The following IL1RAPL1 variants were observed in gnomAD, a reference collection of about 807,000 sequenced individuals.
IL1RAPL1 encodes interleukin 1 receptor accessory protein like 1.
Under a neutral mutation model 48.4 loss-of-function variants are expected in IL1RAPL1, and 3 were observed. The observed-to-expected ratio is 0.06, with a 90% CI of 0.03 to 0.16. The LOEUF is 0.16. IL1RAPL1 is among the 10% of genes least tolerant of loss of function. IL1RAPL1 has a pLI of 1.00. For synonymous variants in IL1RAPL1, 185 were observed against 187.7 expected (o/e 0.99, Z 0.12); for missense variants, 349 against 530.6 (o/e 0.66, Z 3.36).
intron 2 of IL1RAPL1, among the ~76,000 whole-genome samples, chrX:28,962,205 C>A (rs1260489393): frequency 1.8e-5 from 2 of 111,921 alleles, no homozygotes; most frequent in African/African-American, 6.5e-5. Context: ...TAATCTGGTT[C>A]TCTATTGGAA....
At chrX:29,398,141 TC>T (rs1327105655) in intron 4 of IL1RAPL1, among the ~76,000 whole-genome samples, 1 of 112,270 alleles carries the variant, frequency 8.9e-6, no homozygotes, top group African/African-American at 3.2e-5. Flanking sequence ...AAATAATCAA[TC>T]TGGCTAAATG....
chrX:29,948,082 A>C (rs927045762), intron 9 of IL1RAPL1, among the ~76,000 whole-genome samples: 2 of 111,289 alleles, frequency 1.8e-5, no homozygotes, highest in Non-Finnish European at 3.8e-5. Flanking sequence ...GCATTTTGCT[A>C]TATGATGGGG....
Position 28,728,733 on chromosome X carries a change from C to T in IL1RAPL1, c.-24-60587C>T, listed in dbSNP as rs368202695. Among the ~76,000 whole-genome samples, 27 of 111,407 alleles carry T rather than the reference C, an allele frequency of 2.4e-4. No homozygotes were observed. In the South Asian group the frequency reaches 9.1e-3, roughly 37 times the overall value. ...AATAATAGACATTTATTGGGAACTTCCGGCATTGCAATGCAGAACACTTTT... is the reference window on the plus strand; with the variant it reads ...AATAATAGACATTTATTGGGAACTTTCGGCATTGCAATGCAGAACACTTTT... On this transcript the variant is annotated intron_variant, in intron 1 of 10. Coordinates refer to ENST00000378993, the MANE Select transcript of IL1RAPL1 (RefSeq NM_014271.4).
At chrX:29,552,802 C>CTTTTTT (rs765234944) in intron 5 of IL1RAPL1, among the ~76,000 whole-genome samples, 9 of 23,010 alleles carry the variant, frequency 3.9e-4, no homozygotes, top group Non-Finnish European at 5.2e-4. Context: ...TTTCACTCTC[C>CTTTTTT]TTTTTTTTTT....
intron 5 of IL1RAPL1, among the ~76,000 whole-genome samples, chrX:29,565,353 G>A (rs1193958097): frequency 7.3e-5 from 8 of 109,146 alleles, no homozygotes; most frequent in Non-Finnish European, 1.3e-4. Flanking sequence ...ATTTAGAGTC[G>A]CTAAAAATCT....
At chrX:29,213,374 T>A (rs1451520245) in intron 2 of IL1RAPL1, among the ~76,000 whole-genome samples, 18 of 112,605 alleles carry the variant, frequency 1.6e-4, no homozygotes, top group African/African-American at 5.8e-4. Flanking sequence ...CTGCTAGAGT[T>A]TCTCAAGTGG....
intron 6 of IL1RAPL1, among the ~76,000 whole-genome samples, chrX:29,688,996 C>T (rs1926707531): frequency 9.0e-6 from 1 of 111,019 alleles, no homozygotes; most frequent in African/African-American, 3.3e-5. Flanking sequence ...CTGGTAGTTC[C>T]GAGAAAGCAA....
At chrX:28,608,374 G>A (rs1326812727) in intron 1 of IL1RAPL1, among the ~76,000 whole-genome samples, 3 of 111,839 alleles carry the variant, frequency 2.7e-5, no homozygotes, top group East Asian at 5.6e-4. Flanking sequence ...GCCAGACCAC[G>A]GGAAATGACA....
chrX:29,252,166 G>T (rs968263502), intron 2 of IL1RAPL1, among the ~76,000 whole-genome samples: 1 of 112,711 alleles, frequency 8.9e-6, no homozygotes, highest in Non-Finnish European at 1.9e-5. Context: ...CCTAATGCTA[G>T]ATGACGAGTT....
At chrX:29,755,162 G>A (rs1928581408) in intron 6 of IL1RAPL1, among the ~76,000 whole-genome samples, 1 of 112,654 alleles carries the variant, frequency 8.9e-6, no homozygotes, top group Non-Finnish European at 1.9e-5. Flanking sequence ...AAAGCCAACA[G>A]TGAAGAGAGT....
At chrX:29,081,589 T>C (rs1927845730) in intron 2 of IL1RAPL1, among the ~76,000 whole-genome samples, 1 of 111,866 alleles carries the variant, frequency 8.9e-6, no homozygotes, top group African/African-American at 3.2e-5. Context: ...TTTTTCTTCT[T>C]AGGCAAGGAT....
At chrX:28,946,935 A>C (rs190096791) in intron 2 of IL1RAPL1, among the ~76,000 whole-genome samples, 117 of 112,035 alleles carry the variant, frequency 1.0e-3, no homozygotes, top group African/African-American at 3.5e-3. Flanking sequence ...TCTACTTAAC[A>C]AATTTGAACA....
intron 5 of IL1RAPL1, among the ~76,000 whole-genome samples, chrX:29,408,920 C>T (rs1393262181): frequency 1.8e-5 from 2 of 111,870 alleles, no homozygotes; most frequent in Non-Finnish European, 3.8e-5. Flanking sequence ...CTCTGCTGAT[C>T]GCTATGAGAG....
At chrX:29,218,502 G>T (rs918822173) in intron 2 of IL1RAPL1, among the ~76,000 whole-genome samples, 49 of 111,659 alleles carry the variant, frequency 4.4e-4, no homozygotes, top group Non-Finnish European at 2.1e-4. Context: ...CAATGCAACT[G>T]ATGTTGAGCA....
rs141841265 is a variant in IL1RAPL1, at chrX:28,865,387, C to T, written c.82+75962C>T. 8.4e-3 allele frequency among the ~76,000 whole-genome samples: 898 copies of T among 106,750 alleles called. 15 individuals are homozygous for T. The highest frequency in any genetic ancestry group is 0.029 in the African/African-American group (850 of 28,904). 92.7% of individuals were successfully genotyped at this position (106,750 alleles called of 115,157 possible). ...CTGGGAGGCAGAGGTCACAGTGAGC[C>T]GAGATCATGCCACGGTACTCCAGCC... is the stretch of plus-strand genomic sequence containing the variant. On this transcript the variant is annotated intron_variant, in intron 2 of 10. Transcript: ENST00000378993.
At chrX:29,738,450 C>CTTTTTTTTTTTTTT (rs59952038) in intron 6 of IL1RAPL1, among the ~76,000 whole-genome samples, 7 of 86,164 alleles carry the variant, frequency 8.1e-5, no homozygotes, top group African/African-American at 2.8e-4. Flanking sequence ...CTTTTCTTTT[C>CTTTTTTTTTTTTTT]TTTTTTTTTT....
At chrX:29,176,963 T>C (rs1930037002) in intron 2 of IL1RAPL1, among the ~76,000 whole-genome samples, 1 of 111,347 alleles carries the variant, frequency 9.0e-6, no homozygotes, top group Non-Finnish European at 1.9e-5. Context: ...GATATTTTGG[T>C]TATAATGGTC....
At chrX:29,623,474 A>T (rs1924529044) in intron 5 of IL1RAPL1, among the ~76,000 whole-genome samples, 1 of 111,412 alleles carries the variant, frequency 9.0e-6, no homozygotes, top group Non-Finnish European at 1.9e-5. Context: ...TTATAAAGAC[A>T]TTCTCTTGAT....
intron 1 of IL1RAPL1, among the ~76,000 whole-genome samples, chrX:28,768,753 CTCTATATATATA>C (rs1212836457): frequency 3.5e-4 from 19 of 53,580 alleles, no homozygotes; most frequent in African/African-American, 1.6e-3. Flanking sequence ...CTCTCTCTCT[CTCTATATATATA>C]TATATATATA....
Sources: allele counts gnomAD v4.1 joint callset (sites outside exome capture counted in the v4.1 genomes callset), GRCh38; gene constraint gnomAD v4.1.1; transcripts MANE v1.5; gene names NCBI Gene and HGNC (gene_info 2026-07-23, HGNC 2026-07-21).